EIF4ENIF1: variants seen among roughly 807,000 people sequenced by gnomAD.
The protein encoded by EIF4ENIF1 is eukaryotic translation initiation factor 4E nuclear import factor 1.
A neutral mutation model predicts 110.5 loss-of-function variants in EIF4ENIF1; 23 were observed. That is an observed-to-expected ratio of 0.21 (90% confidence interval 0.15 to 0.29). EIF4ENIF1 has a LOEUF of 0.29. Among genes scored for constraint, EIF4ENIF1 ranks in the 10% least tolerant of loss-of-function variants. EIF4ENIF1 has a pLI of 1.00. For missense variants in EIF4ENIF1, 1,031 were observed against 1,221.1 expected, an observed-to-expected ratio of 0.84 and a Z score of 2.32; for synonymous variants, 440 against 437.0, an observed-to-expected ratio of 1.01 and a Z score of -0.09.
chr22:31,488,886 T>C, intron 1 of EIF4ENIF1, 141 bp from the exon 2 acceptor site: 1 of 895,534 alleles, frequency 1.1e-6, no homozygotes, highest in South Asian at 1.8e-5. Context: ...AATTATGCTA[T>C]AAATTAGAAC....
intron 11 of EIF4ENIF1, 130 bp from the exon 12 acceptor site, chr22:31,449,661 G>A: frequency 2.8e-6 from 2 of 713,696 alleles, no homozygotes; most frequent in Non-Finnish European, 4.6e-6. Flanking sequence ...CTTGGCATGT[G>A]TACATGCAAC....
intron 5 of EIF4ENIF1, 53 bp from the exon 6 acceptor site, chr22:31,463,186 C>G (rs1275019658): frequency 6.4e-7 from 1 of 1,562,070 alleles, no homozygotes; most frequent in African/African-American, 1.4e-5. Context: ...GCCATTTCTA[C>G]TTCAGTCAAG....
Position 31,455,137 on chromosome 22 carries a change from GCTTT to G in EIF4ENIF1, c.1274_1277del (p.Glu425AlafsTer13), listed in dbSNP as rs2050776288. ...AAACAGATATTCATAAACACTTACAGCTTTCTTTAAGTTTTTCTTTATTTGCAGA... is the reference window on the plus strand; with the variant it reads ...AAACAGATATTCATAAACACTTACAGCTTTAAGTTTTTCTTTATTTGCAGA... On this transcript the variant is annotated frameshift_variant and splice_region_variant, in exon 9 of 19. Transcript: ENST00000330125. LOFTEE classifies it high-confidence loss of function. The G allele has an allele frequency of 1.2e-6, 2 of 1,609,256 alleles. No homozygotes were observed. Among genetic ancestry groups the G allele is most frequent in the Non-Finnish European group, 1.7e-6 (2 of 1,178,174 alleles).
rs545070831 is a variant in EIF4ENIF1, at chr22:31,448,441, C to G, written c.1769-209G>C. Among the ~76,000 whole-genome samples the G allele has an allele frequency of 2.6e-5, 4 of 152,194 alleles. No homozygotes were observed. The South Asian group carries it at 8.3e-4, about 32-fold the overall frequency. On this transcript the variant is annotated intron_variant, in intron 12 of 18. Transcript: ENST00000330125. The stretch of plus-strand genomic sequence containing the variant: ...CTGTCCAAATTGCTTCTCAACTAAG[C>G]CATCAGCATTGCTCCTTTTAAAGCC...
chr22:31,453,376 CTTTT>C (rs749007679), intron 10 of EIF4ENIF1: 712 of 320,362 alleles, frequency 2.2e-3, no homozygotes, highest in South Asian at 3.7e-3. Context: ...ACCCATCTTA[CTTTT>C]TTTTTTTTTT....
At chr22:31,461,359 G>A (rs923219081) in intron 6 of EIF4ENIF1, among the ~76,000 whole-genome samples, 1 of 152,136 alleles carries the variant, frequency 6.6e-6, no homozygotes, top group Non-Finnish European at 1.5e-5. Flanking sequence ...TCTGCAGCAG[G>A]TACTTCACAC....
chr22:31,450,843 CTACACACACA>C (rs1276666276), intron 10 of EIF4ENIF1: 2 of 96,880 alleles, frequency 2.1e-5, no homozygotes, highest in South Asian at 2.7e-4. Flanking sequence ...TATATATATA[CTACACACACA>C]CACACACACA....
intron 15 of EIF4ENIF1, 115 bp from the exon 16 acceptor site, chr22:31,443,209 C>T (rs867145498): frequency 2.1e-6 from 3 of 1,416,936 alleles, no homozygotes; most frequent in Middle Eastern, 2.5e-4. Context: ...GTAGCATAGG[C>T]CAACTGTAGT....
chr22:31,487,912 G>A (rs1200383522), intron 2 of EIF4ENIF1, among the ~76,000 whole-genome samples: 1 of 151,880 alleles, frequency 6.6e-6, no homozygotes, highest in East Asian at 1.9e-4. Flanking sequence ...TGTTGAGCAA[G>A]TTTTATGGGA....
Position 31,440,708 on chromosome 22 carries a change from G to A in EIF4ENIF1, c.2712C>T (p.Arg904=). The A allele has an allele frequency of 6.2e-7, 1 of 1,613,806 alleles. No individual in the cohort carries two copies. The highest frequency in any genetic ancestry group is 8.5e-7 in the Non-Finnish European group (1 of 1,179,808). ...CTGTCACATTCCTGAACCTACCTGAGCGCTGTAGCTGCTGTTGCACCATTG... is the reference window on the plus strand; with the variant it reads ...CTGTCACATTCCTGAACCTACCTGAACGCTGTAGCTGCTGTTGCACCATTG... ...HLAMVQQQLQ[R]SVLHPPGSGS... is the part of the protein sequence containing the mutation. The change falls in exon 18 of 19, where the codon CGC becomes CGT. Residue 904 remains arginine, a synonymous_variant. Coordinates refer to ENST00000330125, the MANE Select transcript of EIF4ENIF1 (RefSeq NM_019843.4).
intron 14 of EIF4ENIF1, among the ~76,000 whole-genome samples, chr22:31,446,762 C>G (rs2050493234): frequency 6.6e-6 from 1 of 152,138 alleles, no homozygotes; most frequent in African/African-American, 2.4e-5. Flanking sequence ...TTATAATAAG[C>G]TACACATTTG....
chr22:31,478,877 G>A (rs1569103440), intron 2 of EIF4ENIF1, among the ~76,000 whole-genome samples: 2 of 151,294 alleles, frequency 1.3e-5, no homozygotes, highest in South Asian at 2.1e-4. Context: ...GCGTGAACCC[G>A]GGAGGCGGAG....
chr22:31,491,878 T>A (rs2052289503), upstream of EIF4ENIF1, among the ~76,000 whole-genome samples: 1 of 152,122 alleles, frequency 6.6e-6, no homozygotes, highest in South Asian at 2.1e-4. Flanking sequence ...ACCCGGAAAT[T>A]ATGGATTTCT....
At chr22:31,448,518 T>C (rs2145919960) in intron 12 of EIF4ENIF1, among the ~76,000 whole-genome samples, 1 of 152,342 alleles carries the variant, frequency 6.6e-6, no homozygotes, top group Admixed American at 6.5e-5. Context: ...TTTGTCCCGT[T>C]ATCACTAAGC....
chr22:31,493,424 C>G (rs533394538), upstream of EIF4ENIF1, among the ~76,000 whole-genome samples: 3 of 151,750 alleles, frequency 2.0e-5, no homozygotes, highest in South Asian at 6.2e-4. Flanking sequence ...CTCCTGAGTT[C>G]AAGCAATTCT....
At position 31,448,175 on chromosome 22, in the gene EIF4ENIF1, G is replaced by A; in HGVS notation, c.1826C>T (p.Pro609Leu). 6.2e-7 allele frequency: 1 copy of A among 1,614,180 alleles called. No homozygotes were observed. The highest frequency in any genetic ancestry group is 8.5e-7 in the Non-Finnish European group (1 of 1,180,022). Residue 609 changes from proline to leucine, a missense_variant, in exon 13 of 19, where the codon CCC becomes CTC. Transcript: ENST00000330125. ...LGDPFQGMRK[P>L]MSPITAQMSQ... ...GACCTGGGCTGTGATGGGGCTCATG[G>A]GTTTGCGCATGCCTTGGAATGGATC...
In EIF4ENIF1 at chr22:31,441,905, G is replaced by A. The variant is rs746692247; in HGVS notation, c.2420C>T (p.Pro807Leu). 1 of 1,614,186 alleles carries A rather than the reference G, an allele frequency of 6.2e-7. No individual in the cohort carries two copies. Among genetic ancestry groups the A allele is most frequent in the Non-Finnish European group, 8.5e-7 (1 of 1,180,030 alleles). The change falls in exon 17 of 19, where the codon CCT (proline) becomes CTT (leucine). Residue 807 changes from proline (P) to leucine (L), a missense_variant. This residue lies in a region of EIF4ENIF1 where 309 missense variants were observed against 299.1 expected (regional missense o/e 1.03). Transcript: ENST00000330125. The part of the protein sequence containing the change: ...SPVPTTPFLR[P>L]VHQVPLVPHV... Reference sequence around the variant, plus strand: ...GGGGACAAGGGGAACTTGGTGGACAGGGCGGAGAAAAGGTGTTGTAGGAAC... The same window carrying A: ...GGGGACAAGGGGAACTTGGTGGACAAGGCGGAGAAAAGGTGTTGTAGGAAC...
At chr22:31,447,972 CTT>C in intron 13 of EIF4ENIF1, among the ~76,000 whole-genome samples, 179 bp downstream of exon 13, 1 of 152,204 alleles carries the variant, frequency 6.6e-6, no homozygotes, top group Middle Eastern at 3.4e-3. Flanking sequence ...TTTAAATTTA[CTT>C]TTGGGCTCAA....
intron 6 of EIF4ENIF1, among the ~76,000 whole-genome samples, chr22:31,462,287 G>C (rs1014581522): frequency 2.0e-5 from 3 of 152,038 alleles, no homozygotes; most frequent in Non-Finnish European, 4.4e-5. Context: ...TTCGAGACCA[G>C]CCTGGGCAAC....
Sources: allele counts gnomAD v4.1 joint callset (sites outside exome capture counted in the v4.1 genomes callset), GRCh38; gene constraint gnomAD v4.1.1; regional missense constraint gnomAD v4.1.1; transcripts MANE v1.5; gene names NCBI Gene and HGNC (gene_info 2026-07-23, HGNC 2026-07-21).